Variants in SOBP observed in about 807,000 individuals in gnomAD.
SOBP encodes the protein sine oculis binding protein homolog.
Under a neutral mutation model 53.6 loss-of-function variants are expected in SOBP, and 4 were observed. The ratio of observed to expected loss-of-function variants is 0.07; its 90% CI spans 0.04 to 0.17. The LOEUF (loss-of-function observed/expected upper bound fraction) is 0.17. Ranked by LOEUF, SOBP falls within the 10% of genes least tolerant of loss-of-function variation. The pLI is 1.00. For synonymous variants in SOBP, 584 were observed against 522.6 expected, an observed-to-expected ratio of 1.12 and a Z score of -1.60; for missense variants, 1,088 against 1,204.7, an observed-to-expected ratio of 0.90 and a Z score of 1.43.
At chr6:107,619,313 G>A (rs898268559) in intron 5 of SOBP, among the ~76,000 whole-genome samples, 1 of 152,162 alleles carries the variant, frequency 6.6e-6, no homozygotes, top group Admixed American at 6.5e-5. Context: ...TTTTCCTATA[G>A]AAGCCTACTT....
chr6:107,649,839 GACTT>G (rs558017946), intron 6 of SOBP, among the ~76,000 whole-genome samples: 15 of 152,226 alleles, frequency 9.9e-5, no homozygotes, highest in Middle Eastern at 3.4e-3. Context: ...TGAAGATAAG[GACTT>G]ACTTAAGTGA....
At chr6:107,502,746 TTA>T (rs1782875853) in intron 1 of SOBP, among the ~76,000 whole-genome samples, 1 of 152,134 alleles carries the variant, frequency 6.6e-6, no homozygotes, top group Non-Finnish European at 1.5e-5. Context: ...TAAAAAAAAC[TTA>T]TGTGTTGATT....
At position 107,503,813 on chromosome 6, in the gene SOBP, C is replaced by T. The variant is rs1469248969; in HGVS notation, c.235+18C>T. 5.0e-6 allele frequency: 8 copies of T among 1,613,388 alleles called. No homozygotes were observed. The highest frequency in any genetic ancestry group is 6.8e-6 in the Non-Finnish European group (8 of 1,179,984). On this transcript the variant is annotated intron_variant, in intron 2 of 6. Coordinates refer to ENST00000317357, the MANE Select transcript of SOBP (RefSeq NM_018013.4). ...TCTCAAAGGTAATGACATTTAATGT[C>T]CTTTTGTTCATGCAAAGAAGGATTA...
intron 4 of SOBP, among the ~76,000 whole-genome samples, chr6:107,550,203 G>T (rs1364781335): frequency 1.3e-5 from 2 of 152,238 alleles, no homozygotes; most frequent in African/African-American, 4.8e-5. Context: ...AGGCCAGAGA[G>T]AAGCATAAGA....
chr6:107,571,524 A>G (rs1015581172), intron 4 of SOBP, among the ~76,000 whole-genome samples: 36 of 152,184 alleles, frequency 2.4e-4, no homozygotes, highest in Non-Finnish European at 8.8e-5. Context: ...TCACTTTGCA[A>G]TGGTGGCAAC....
chr6:107,615,266 C>T (rs1786744018), intron 5 of SOBP, among the ~76,000 whole-genome samples: 1 of 152,060 alleles, frequency 6.6e-6, no homozygotes, highest in Non-Finnish European at 1.5e-5. Context: ...TAGCTCAGAA[C>T]AAGGGGTATA....
At chr6:107,551,627 A>G (rs1355600441) in intron 4 of SOBP, among the ~76,000 whole-genome samples, 1 of 152,246 alleles carries the variant, frequency 6.6e-6, no homozygotes, top group Non-Finnish European at 1.5e-5. Flanking sequence ...AAAACAGGGC[A>G]TATGTATTTA....
intron 4 of SOBP, among the ~76,000 whole-genome samples, chr6:107,571,916 G>C (rs1583224491): frequency 6.6e-6 from 1 of 152,214 alleles, no homozygotes; most frequent in African/African-American, 2.4e-5. Context: ...TGTGGTACCT[G>C]TGGAGCAGCT....
At chr6:107,627,198 C>A (rs141108824) in intron 5 of SOBP, among the ~76,000 whole-genome samples, 1 of 152,182 alleles carries the variant, frequency 6.6e-6, no homozygotes, top group East Asian at 1.9e-4. Context: ...AAAACATCAC[C>A]CCAAAGAGAA....
intron 5 of SOBP, among the ~76,000 whole-genome samples, chr6:107,599,315 A>T (rs1405168553): frequency 6.6e-6 from 1 of 152,200 alleles, no homozygotes; most frequent in Non-Finnish European, 1.5e-5. Context: ...ATAAAGATAA[A>T]TCCTTTTGGA....
chr6:107,532,247 ACACACACACACACACACACACACAC>A (rs1562594037), intron 3 of SOBP, among the ~76,000 whole-genome samples: 1 of 144,316 alleles, frequency 6.9e-6, no homozygotes, highest in East Asian at 2.0e-4. Flanking sequence ...TCTCTCACAC[ACACACACACACACACACACACACAC>A]CACACACACA....
In SOBP at chr6:107,524,427, G is replaced by A. The variant is rs146408496; in HGVS notation, c.422-9032G>A. 2.4e-3 allele frequency among the ~76,000 whole-genome samples: 363 copies of A among 152,288 alleles called. 1 individual carries two copies. Among genetic ancestry groups the A allele is most frequent in the African/African-American group, 7.9e-3 (329 of 41,560 alleles). On this transcript the variant is annotated intron_variant, in intron 3 of 6. Transcript: ENST00000317357. ...ATTGAGGGCCCAGGGATGGGGATAC[G>A]ATTTTAATTGAGCATCTTGTCTATG...
chr6:107,637,202 C>A (rs1202014373), intron 6 of SOBP, among the ~76,000 whole-genome samples: 1 of 152,166 alleles, frequency 6.6e-6, no homozygotes, highest in East Asian at 1.9e-4. Flanking sequence ...AATTACCAAC[C>A]CATTACTCCA....
At chr6:107,500,564 C>T (rs1223887343) in intron 1 of SOBP, among the ~76,000 whole-genome samples, 2 of 151,802 alleles carry the variant, frequency 1.3e-5, no homozygotes, top group East Asian at 1.9e-4. Flanking sequence ...CTCTGTCGCC[C>T]AGGCTGGAGT....
chr6:107,547,341 A>G (rs1784328112), intron 4 of SOBP, among the ~76,000 whole-genome samples: 1 of 152,214 alleles, frequency 6.6e-6, no homozygotes, highest in Non-Finnish European at 1.5e-5. Context: ...TAAAAAAATT[A>G]ACGTTTAAAT....
intron 6 of SOBP, among the ~76,000 whole-genome samples, chr6:107,640,270 C>A (rs1230431465): frequency 6.6e-6 from 1 of 152,146 alleles, no homozygotes; most frequent in African/African-American, 2.4e-5. Context: ...TAGGTGCCTA[C>A]TTTTAAAACA....
chr6:107,510,129 T>C (rs758607613), intron 3 of SOBP, among the ~76,000 whole-genome samples: 3 of 152,174 alleles, frequency 2.0e-5, no homozygotes, highest in Non-Finnish European at 2.9e-5. Flanking sequence ...GACCATACTG[T>C]CTCTATCACA....
intron 4 of SOBP, among the ~76,000 whole-genome samples, chr6:107,565,625 G>A (rs1409472041): frequency 6.6e-6 from 1 of 152,178 alleles, no homozygotes; most frequent in Admixed American, 6.5e-5. Context: ...GGATGAATGG[G>A]TAGAGCCCCC....
chr6:107,530,606 A>G (rs927765024), intron 3 of SOBP, among the ~76,000 whole-genome samples: 1 of 152,124 alleles, frequency 6.6e-6, no homozygotes, highest in Admixed American at 6.6e-5. Flanking sequence ...AATTTTTTGA[A>G]TAACCCAATT....
Sources: gnomAD v4.1 joint callset for allele counts (sites outside exome capture counted in the v4.1 genomes callset) on GRCh38, gnomAD v4.1.1 for gene constraint, MANE v1.5 for transcripts, NCBI Gene and HGNC (gene_info 2026-07-23, HGNC 2026-07-21) for gene names.